The following DNAH5 variants were observed in gnomAD, a reference collection of about 807,000 sequenced individuals.
The protein encoded by DNAH5 is axonemal beta dynein heavy chain 5.
A neutral mutation model predicts 518.2 loss-of-function variants in DNAH5; 372 were observed. The ratio of observed to expected loss-of-function variants is 0.72; its 90% CI spans 0.66 to 0.78. DNAH5 has a LOEUF of 0.78. DNAH5 is among the 30% of genes least tolerant of loss of function. DNAH5 has a pLI of 0.00. For missense variants in DNAH5, 5,523 were observed against 5,687.0 expected (o/e 0.97, Z 0.93); for synonymous variants, 2,039 against 2,025.9 (o/e 1.01, Z -0.17).
intron 38 of DNAH5, among the ~76,000 whole-genome samples, chr5:13,825,205 G>A (rs1418485344): frequency 6.6e-6 from 1 of 152,068 alleles, no homozygotes; most frequent in African/African-American, 2.4e-5. Flanking sequence ...TTAACCAAGT[G>A]TGGTGGTGTG....
Position 13,714,355 on chromosome 5 carries a change from C to A in DNAH5, c.13125+50G>T, listed in dbSNP as rs574622154. On this transcript the variant is annotated intron_variant, in intron 75 of 78. Coordinates refer to ENST00000265104, the MANE Select transcript of DNAH5 (RefSeq NM_001369.3). ...CTTTCTTCTTCCTCACTCTCCCAAC[C>A]GAAGATATGCAACCCCAGCTGACAT... is the stretch of plus-strand genomic sequence containing the variant. 6 of 1,579,630 alleles carry A rather than the reference C, an allele frequency of 3.8e-6. No homozygotes were observed. In the East Asian group the frequency reaches 1.1e-4, roughly 29 times the overall value.
intron 15 of DNAH5, 103 bp from the exon 16 acceptor site, chr5:13,894,924 C>CT: frequency 7.6e-7 from 1 of 1,309,174 alleles, no homozygotes. Flanking sequence ...TAGGGTCAAA[C>CT]TGTAGGGCTC....
chr5:13,723,877 A>G (rs1317936779), intron 70 of DNAH5, among the ~76,000 whole-genome samples: 3 of 152,192 alleles, frequency 2.0e-5, no homozygotes, highest in Non-Finnish European at 2.9e-5. Flanking sequence ...TGCTTCACTT[A>G]TATCTGGAGA....
chr5:14,004,294 G>A (rs953907388), intron 1 of DNAH5, among the ~76,000 whole-genome samples: 4 of 152,176 alleles, frequency 2.6e-5, no homozygotes, highest in African/African-American at 9.7e-5. Context: ...CAAAGGGAGA[G>A]ATCAGTTACA....
At chr5:13,872,511 A>C (rs1770270115) in intron 22 of DNAH5, among the ~76,000 whole-genome samples, 1 of 152,200 alleles carries the variant, frequency 6.6e-6, no homozygotes, top group African/African-American at 2.4e-5. Context: ...GGTATTTTTC[A>C]ATGCTGTTGT....
chr5:13,810,209 C>A lies in DNAH5; in HGVS notation c.7459G>T (p.Ala2487Ser). Residue 2487 changes from alanine to serine, a missense_variant, in exon 45 of 79, where the codon GCG (alanine) becomes TCG (serine). Around this residue, in one of 3 missense-constraint regions of DNAH5, gnomAD observed 5,121 missense variants for 5,223.3 expected, o/e 0.98. Transcript: ENST00000265104. ...QAHLGRLFVFALLWSAGAALE... is the reference protein window; with the variant it reads ...QAHLGRLFVFSLLWSAGAALE... ...GCCGCCCCCGCGCTCCACAGCAGCG[C>A]GAACACGAACAGCCGCCCCAGGTGA... 6.4e-7 allele frequency: 1 copy of A among 1,550,462 alleles called. No individual in the cohort carries two copies.
chr5:13,918,796 G>A (rs1056348891), intron 7 of DNAH5, among the ~76,000 whole-genome samples: 1 of 152,186 alleles, frequency 6.6e-6, no homozygotes, highest in Non-Finnish European at 1.5e-5. Flanking sequence ...GCTAAGTTTG[G>A]AGGTTGTTTT....
Position 13,887,194 on chromosome 5 carries a change from T to A in DNAH5, c.2578-1065A>T, listed in dbSNP as rs1201510167. On this transcript the variant is annotated intron_variant, in intron 17 of 78. Coordinates refer to ENST00000265104, the MANE Select transcript of DNAH5 (RefSeq NM_001369.3). ...CTCAATTAACTTGCAGCTCTTTCAG[T>A]CCTCTCAGTAACACAAGCACATGTT... 1.3e-5 allele frequency among the ~76,000 whole-genome samples: 2 copies of A among 152,202 alleles called. 1 individual carries two copies. Among genetic ancestry groups the A allele is most frequent in the Admixed American group, 1.3e-4 (2 of 15,286 alleles).
At chr5:13,835,130 C>T (rs1156537244) in intron 35 of DNAH5, among the ~76,000 whole-genome samples, 1 of 151,958 alleles carries the variant, frequency 6.6e-6, no homozygotes, top group African/African-American at 2.4e-5. Context: ...ACTAAAAATA[C>T]AAAAATTATC....
At chr5:13,789,941 AT>A in intron 50 of DNAH5, among the ~76,000 whole-genome samples, 1 of 152,222 alleles carries the variant, frequency 6.6e-6, no homozygotes, top group East Asian at 1.9e-4. Context: ...CAAGAAACAT[AT>A]GAAAAGAAGC....
chr5:13,716,689 C>A lies in DNAH5; in HGVS notation c.12707G>T (p.Gly4236Val), dbSNP rs778569525. 1.2e-6 allele frequency: 2 copies of A among 1,608,900 alleles called. No homozygotes were observed. The highest frequency in any genetic ancestry group is 2.2e-5 in the East Asian group (1 of 44,800). ...NHLDDMDVKK[G>V]VSWTTIRYMI... is the part of the protein sequence containing the mutation. ...GTAGCGGATGGTGGTCCAGGAGACA[C>A]CCTGGGAAATTTTATAGAATAATTA... The change falls in exon 74 of 79, where the codon GGT (glycine) becomes GTT (valine). Residue 4236 changes from glycine (G) to valine (V), a missense_variant and splice_region_variant. Around this residue, in one of 3 missense-constraint regions of DNAH5, gnomAD observed 5,121 missense variants for 5,223.3 expected, o/e 0.98. Coordinates refer to ENST00000265104, the MANE Select transcript of DNAH5 (RefSeq NM_001369.3).
chr5:13,898,496 T>C (rs1325455388), intron 15 of DNAH5: 5 of 398,432 alleles, frequency 1.3e-5, no homozygotes, highest in Non-Finnish European at 2.2e-5. Context: ...CCATTGCCAA[T>C]ACAACTTTTT....
chr5:13,762,044 G>A (rs151101085), intron 60 of DNAH5, among the ~76,000 whole-genome samples: 247 of 152,282 alleles, frequency 1.6e-3, no homozygotes, highest in African/African-American at 5.6e-3. Flanking sequence ...ACCAAGCCAT[G>A]AGATATGATT....
chr5:13,696,531 A>G (rs900867187), intron 78 of DNAH5, among the ~76,000 whole-genome samples: 2 of 152,222 alleles, frequency 1.3e-5, no homozygotes, highest in African/African-American at 4.8e-5. Context: ...TCCTATATCT[A>G]TATTTTAATG....
rs535536722 is a variant in DNAH5, at chr5:13,735,291, C to A, written c.11601G>T (p.Arg3867Ser). Reference sequence around the variant, plus strand: ...TCATGTGCTCGATGATATTAGCAATCCTCTTGCTTGTAATCGGGCTCTTGA... The same window carrying A: ...TCATGTGCTCGATGATATTAGCAATACTCTTGCTTGTAATCGGGCTCTTGA... ...RSVKSPITSK[R>S]IANIIEHMTY... Residue 3867 changes from arginine (R) to serine (S), a missense_variant, in exon 68 of 79, where the codon AGG (arginine) becomes AGT (serine). Physicochemically the swap from Arg to Ser is moderately radical, Grantham distance 110. Coordinates refer to ENST00000265104, the MANE Select transcript of DNAH5 (RefSeq NM_001369.3). 1 of 1,614,082 alleles carries A rather than the reference C, an allele frequency of 6.2e-7. No homozygotes were observed. The highest frequency in any genetic ancestry group is 1.1e-5 in the South Asian group (1 of 91,082).
chr5:13,756,671 T>C (rs1407834010), intron 61 of DNAH5, among the ~76,000 whole-genome samples: 2 of 152,256 alleles, frequency 1.3e-5, no homozygotes, highest in African/African-American at 2.4e-5. Flanking sequence ...GGCATAAGTA[T>C]ATAAACCCAG....
At chr5:13,742,796 C>T (rs1412426766) in intron 65 of DNAH5, among the ~76,000 whole-genome samples, 1 of 151,758 alleles carries the variant, frequency 6.6e-6, no homozygotes, top group Non-Finnish European at 1.5e-5. Flanking sequence ...ATAAAATATA[C>T]TAAGTAAACA....
At chr5:13,948,304 TG>T (rs1194640230), upstream of DNAH5, among the ~76,000 whole-genome samples, 6 of 152,130 alleles carry the variant, frequency 3.9e-5, no homozygotes, top group Non-Finnish European at 5.9e-5. Context: ...TATGGATGCA[TG>T]GGGGTGATGT....
chr5:13,788,618 G>A (rs1310313463), intron 51 of DNAH5, 98 bp downstream of exon 51: 2 of 1,042,666 alleles, frequency 1.9e-6, no homozygotes, highest in East Asian at 4.8e-5. Flanking sequence ...AAGTTTACTA[G>A]AAAGAAACTC....
Sources: allele counts gnomAD v4.1 joint callset (sites outside exome capture counted in the v4.1 genomes callset), GRCh38; gene constraint gnomAD v4.1.1; regional missense constraint gnomAD v4.1.1; transcripts MANE v1.5; gene names NCBI Gene and HGNC (gene_info 2026-07-23, HGNC 2026-07-21).